Variants in SYN3 observed in about 807,000 individuals in gnomAD.
The protein encoded by SYN3 is synapsin-3.
In SYN3, 35 loss-of-function variants were observed where a neutral mutation model predicts 65.8. The observed-to-expected ratio is 0.53, with a 90% CI of 0.41 to 0.70. The LOEUF is 0.70. SYN3 is among the 30% of genes least tolerant of loss of function. The pLI is 0.00. For missense variants in SYN3, 680 were observed against 749.0 expected (o/e 0.91, Z 1.08); for synonymous variants, 270 against 292.9 (o/e 0.92, Z 0.80).
At chr22:32,720,762 G>A (rs2061106570) in intron 6 of SYN3, among the ~76,000 whole-genome samples, 1 of 152,188 alleles carries the variant, frequency 6.6e-6, no homozygotes, top group Non-Finnish European at 1.5e-5. Flanking sequence ...GGAAACTGTT[G>A]TTATTATTAT....
intron 6 of SYN3, among the ~76,000 whole-genome samples, chr22:32,708,887 C>T (rs547347162): frequency 2.0e-5 from 3 of 152,344 alleles, no homozygotes; most frequent in Non-Finnish European, 4.4e-5. Context: ...ATGATGACTC[C>T]GTGCGGAAGG....
chr22:32,924,407 A>G (rs950963427), intron 4 of SYN3, among the ~76,000 whole-genome samples: 2 of 152,204 alleles, frequency 1.3e-5, no homozygotes, highest in Non-Finnish European at 1.5e-5. Flanking sequence ...CTCAACAGCC[A>G]TATGGGTCCC....
In SYN3 at chr22:32,510,925, CAT is replaced by C. The variant is rs1264353550; in HGVS notation, c.*2765_*2766del. On this transcript the variant is annotated 3_prime_UTR_variant, in exon 14 of 14. Transcript: ENST00000358763. ...GCCGGTTATCAGAGAACTATGAACT[CAT>C]AGCGAGGTGACAGGATTTTAGGATG... Among the ~76,000 whole-genome samples the C allele has an allele frequency of 6.6e-6, 1 of 151,506 alleles. No homozygotes were observed. Among genetic ancestry groups the C allele is most frequent in the Non-Finnish European group, 1.5e-5 (1 of 67,994 alleles).
rs377344965 is a variant in SYN3, at chr22:32,675,564, C to A, written c.712-78828G>T. ...AAAGTGCCTCCTGCAACTCTGCACC[C>A]CACCCCAGCCCCAGAGTAACACGTT... is the stretch of plus-strand genomic sequence containing the variant. On this transcript the variant is annotated intron_variant, in intron 6 of 13. Coordinates refer to ENST00000358763, the MANE Select transcript of SYN3 (RefSeq NM_003490.4). 2.6e-3 allele frequency among the ~76,000 whole-genome samples: 398 copies of A among 152,226 alleles called. 1 individual carries two copies. Among genetic ancestry groups the A allele is most frequent in the African/African-American group, 8.8e-3 (367 of 41,542 alleles).
At chr22:32,748,070 C>T (rs1203361352) in intron 6 of SYN3, among the ~76,000 whole-genome samples, 1 of 152,166 alleles carries the variant, frequency 6.6e-6, no homozygotes, top group Non-Finnish European at 1.5e-5. Flanking sequence ...TCAAACAAAG[C>T]CAGGTTCCAA....
intron 1 of SYN3, among the ~76,000 whole-genome samples, chr22:33,033,483 C>T (rs1370099682): frequency 1.3e-5 from 2 of 152,162 alleles, no homozygotes; most frequent in Non-Finnish European, 2.9e-5. Context: ...CTTAACTACG[C>T]ACTTCTTCCA....
chr22:32,880,544 G>T (rs2049101706), intron 4 of SYN3, among the ~76,000 whole-genome samples: 1 of 152,140 alleles, frequency 6.6e-6, no homozygotes, highest in African/African-American at 2.4e-5. Flanking sequence ...GGGTGGTGGT[G>T]GAGAGGGTTT....
chr22:32,773,869 G>A (rs555480430), intron 6 of SYN3, among the ~76,000 whole-genome samples: 2 of 152,278 alleles, frequency 1.3e-5, no homozygotes, highest in South Asian at 4.2e-4. Context: ...AGTGAGGAAG[G>A]GCTGCAGGGA....
Position 32,785,549 on chromosome 22 carries a change from G to C in SYN3, c.711+79366C>G, listed in dbSNP as rs373023279. Among the ~76,000 whole-genome samples the C allele has an allele frequency of 3.3e-5, 5 of 152,312 alleles. No individual in the cohort carries two copies. The East Asian group carries it at 7.7e-4, about 24-fold the overall frequency. The stretch of plus-strand genomic sequence containing the variant: ...CTCCCATTAGTGTGTTCTTCTGCAA[G>C]GATTTCAAATGCTCGTGCATCCCAC... On this transcript the variant is annotated intron_variant, in intron 6 of 13. Coordinates refer to ENST00000358763, the MANE Select transcript of SYN3 (RefSeq NM_003490.4).
intron 6 of SYN3, among the ~76,000 whole-genome samples, chr22:32,676,519 C>A (rs130747): frequency 0.31 from 39,598 of 129,358 alleles, 6,588 homozygotes; most frequent in Middle Eastern, 0.42. Flanking sequence ...TCTTTCTTTT[C>A]TTTTCTTTCT....
rs766319246 is a variant in SYN3 at position 32,801,962 on chromosome 22, G to A, written c.711+62953C>T. ...CGGCGGCGCGCACGGCAACTTTGGA[G>A]AGGCGAGCAGCAGCCCCGGCAGCGG... On this transcript the variant is annotated intron_variant, in intron 6 of 13. Transcript: ENST00000358763. The surrounding 1 kb of genome is among the most constrained non-coding windows in gnomAD (Gnocchi z 4.7). 2 of 1,570,600 alleles carry A rather than the reference G, an allele frequency of 1.3e-6. No homozygotes were observed. Among genetic ancestry groups the A allele is most frequent in the Admixed American group, 1.8e-5 (1 of 56,260 alleles).
At chr22:32,756,419 T>A (rs2045293894) in intron 6 of SYN3, among the ~76,000 whole-genome samples, 1 of 152,196 alleles carries the variant, frequency 6.6e-6, no homozygotes, top group African/African-American at 2.4e-5. Flanking sequence ...ACTTAAAGTA[T>A]AATAAAAAAT....
intron 6 of SYN3, among the ~76,000 whole-genome samples, chr22:32,720,447 C>T (rs138722025): frequency 6.6e-6 from 1 of 152,202 alleles, no homozygotes; most frequent in Non-Finnish European, 1.5e-5. Context: ...AAGTGACTTG[C>T]CCATGTGAGA....
At chr22:32,915,840 C>G (rs1262338619) in intron 4 of SYN3, among the ~76,000 whole-genome samples, 1 of 152,196 alleles carries the variant, frequency 6.6e-6, no homozygotes, top group African/African-American at 2.4e-5. Context: ...AGAAGAATCA[C>G]TCTGGCTGCT....
intron 1 of SYN3, among the ~76,000 whole-genome samples, chr22:33,013,039 C>T (rs1358183160): frequency 1.3e-5 from 2 of 152,124 alleles, no homozygotes; most frequent in Admixed American, 6.6e-5. Context: ...GAACTGAGCC[C>T]CTTCCATTTT....
rs898131982 is a variant in SYN3, at chr22:32,513,261, A to G, written c.*431T>C. The G allele has an allele frequency of 6.3e-6, 1 of 157,606 alleles. No individual in the cohort carries two copies. The highest frequency in any genetic ancestry group is 1.4e-5 in the Non-Finnish European group (1 of 71,374). 9.8% of individuals were successfully genotyped at this position (157,606 alleles called of 1,614,324 possible). A position where few individuals can be genotyped will look rare whatever the true frequency, so the allele number is the denominator to read the frequency against. On this transcript the variant is annotated 3_prime_UTR_variant, in exon 14 of 14. Coordinates refer to ENST00000358763, the MANE Select transcript of SYN3 (RefSeq NM_003490.4). ...CTGTTAAAAGATTATTGCCTCCTAT[A>G]TTGCTGAGGTCTGACTACAGTGTCT... is the stretch of plus-strand genomic sequence containing the variant.
chr22:33,022,946 T>C (rs1359438951), intron 1 of SYN3, among the ~76,000 whole-genome samples: 5 of 152,204 alleles, frequency 3.3e-5, no homozygotes, highest in Non-Finnish European at 1.5e-5. Context: ...ACAGAATTTA[T>C]AGAGCCCTAC....
chr22:32,896,647 A>T (rs2049601245), intron 4 of SYN3, among the ~76,000 whole-genome samples: 1 of 152,256 alleles, frequency 6.6e-6, no homozygotes, highest in Non-Finnish European at 1.5e-5. Flanking sequence ...CAAATAAAAT[A>T]GGAAAAGATA....
intron 6 of SYN3, among the ~76,000 whole-genome samples, chr22:32,666,624 G>A (rs2060293240): frequency 6.6e-6 from 1 of 152,172 alleles, no homozygotes; most frequent in Admixed American, 6.5e-5. Context: ...TGGTCACCTT[G>A]TTTAACACGG....
Sources: gnomAD v4.1 joint callset for allele counts (sites outside exome capture counted in the v4.1 genomes callset) on GRCh38, gnomAD v4.1.1 for gene constraint, Gnocchi (gnomAD v3.1) non-coding constraint, MANE v1.5 for transcripts, NCBI Gene and HGNC (gene_info 2026-07-23, HGNC 2026-07-21) for gene names.